Variants in LOXL2 observed in about 807,000 individuals in gnomAD.
The protein encoded by LOXL2 is lysyl oxidase like 2.
A neutral mutation model predicts 93.0 loss-of-function variants in LOXL2; 70 were observed. The ratio of observed to expected loss-of-function variants is 0.75; its 90% CI spans 0.62 to 0.92. The LOEUF (loss-of-function observed/expected upper bound fraction) is 0.92, where lower values mean the gene tolerates loss of function less well. LOXL2 is among the 40% of genes least tolerant of loss of function. LOXL2 has a pLI of 0.00. For missense variants in LOXL2, 973 were observed against 1,054.9 expected, an observed-to-expected ratio of 0.92 and a Z score of 1.08; for synonymous variants, 438 against 413.2, an observed-to-expected ratio of 1.06 and a Z score of -0.73.
At chr8:23,388,234 T>C (rs1253276853) in intron 1 of LOXL2, among the ~76,000 whole-genome samples, 1 of 152,172 alleles carries the variant, frequency 6.6e-6, no homozygotes, top group Admixed American at 6.5e-5. Flanking sequence ...AACTGTGAGC[T>C]GCCAAGGCTG....
intron 1 of LOXL2, among the ~76,000 whole-genome samples, chr8:23,369,499 T>C (rs939981925): frequency 2.6e-5 from 4 of 152,148 alleles, no homozygotes; most frequent in Non-Finnish European, 4.4e-5. Context: ...ATTCTTCTGG[T>C]CATGGCACAC....
At chr8:23,373,087 T>C (rs1260709211) in intron 1 of LOXL2, among the ~76,000 whole-genome samples, 3 of 152,162 alleles carry the variant, frequency 2.0e-5, no homozygotes, top group Non-Finnish European at 4.4e-5. Flanking sequence ...CCCCAAATAT[T>C]TGGGAATGTT....
intron 1 of LOXL2, among the ~76,000 whole-genome samples, chr8:23,387,830 A>T (rs1344739626): frequency 6.6e-6 from 1 of 152,056 alleles, no homozygotes. Context: ...GGCACCTGTA[A>T]TCCCAGCTAC....
intron 1 of LOXL2, among the ~76,000 whole-genome samples, chr8:23,401,355 A>T (rs956241109): frequency 1.3e-5 from 2 of 152,230 alleles, no homozygotes; most frequent in East Asian, 3.8e-4. Flanking sequence ...AAATGCTTAA[A>T]TATAGACTGC....
intron 1 of LOXL2, among the ~76,000 whole-genome samples, chr8:23,379,995 T>C (rs11135734): frequency 0.3 from 45,550 of 152,084 alleles, 7,049 homozygotes; most frequent in East Asian, 0.43. Context: ...AGTACCTCAG[T>C]TGGAAATGCA....
intron 4 of LOXL2, among the ~76,000 whole-genome samples, chr8:23,339,443 C>T (rs1230359524): frequency 2.0e-5 from 3 of 152,172 alleles, no homozygotes; most frequent in African/African-American, 7.2e-5. Context: ...CAATCCAGCA[C>T]GTGACAGGAT....
At chr8:23,340,865 C>G in intron 4 of LOXL2, 127 bp downstream of exon 4, 1 of 857,098 alleles carries the variant, frequency 1.2e-6, no homozygotes, top group Non-Finnish European at 1.9e-6. Flanking sequence ...GTGCAGGCTG[C>G]CTGCAGGGAC....
intron 8 of LOXL2, among the ~76,000 whole-genome samples, chr8:23,318,197 A>T (rs10111940): frequency 6.6e-6 from 1 of 150,888 alleles, no homozygotes; most frequent in South Asian, 2.1e-4. Flanking sequence ...AACCCAAAAA[A>T]CCTGAGGCCT....
At chr8:23,397,637 G>T (rs1347435753) in intron 1 of LOXL2, among the ~76,000 whole-genome samples, 1 of 152,032 alleles carries the variant, frequency 6.6e-6, no homozygotes, top group African/African-American at 2.4e-5. Context: ...CATTAGCTGG[G>T]TATGGTGGCG....
At chr8:23,314,273 C>G (rs1029097311) in intron 9 of LOXL2, among the ~76,000 whole-genome samples, 3 of 143,086 alleles carry the variant, frequency 2.1e-5, no homozygotes, top group Middle Eastern at 7.4e-3. Context: ...TACCATTTGA[C>G]CCAGCCATCC....
intron 3 of LOXL2, among the ~76,000 whole-genome samples, chr8:23,352,826 C>T (rs1339932554): frequency 6.6e-6 from 1 of 151,856 alleles, no homozygotes; most frequent in Non-Finnish European, 1.5e-5. Context: ...CTCTGTTGGC[C>T]CCTCAAGACC....
chr8:23,332,293 CCA>C (rs1486070015), intron 5 of LOXL2, among the ~76,000 whole-genome samples: 4 of 117,356 alleles, frequency 3.4e-5, no homozygotes, highest in Admixed American at 9.4e-5. Context: ...ACACAGACCC[CCA>C]CACACACTCA....
rs1242808347 is a variant in LOXL2, at chr8:23,297,747, C to G, written c.*296G>C. 1.2e-5 allele frequency: 4 copies of G among 324,096 alleles called. No homozygotes were observed. The highest frequency in any genetic ancestry group is 2.3e-5 in the Non-Finnish European group (4 of 174,234). 20.1% of individuals were successfully genotyped at this position (324,096 alleles called of 1,614,324 possible). ...CTTGAATGGGACAAGCTGATGACAA[C>G]CTGTCTGTGGGCCTCATCCCGGTCA... On this transcript the variant is annotated 3_prime_UTR_variant, in exon 14 of 14. Transcript: ENST00000389131.
At chr8:23,395,135 T>C (rs1800074552) in intron 1 of LOXL2, among the ~76,000 whole-genome samples, 1 of 152,144 alleles carries the variant, frequency 6.6e-6, no homozygotes, top group African/African-American at 2.4e-5. Context: ...ACGCCTGTAG[T>C]TCCAGCTACT....
chr8:23,298,953 G>A lies in LOXL2; in HGVS notation c.2134-6C>T, dbSNP rs1446805847. On this transcript the variant is annotated splice_polypyrimidine_tract_variant and splice_region_variant and intron_variant, in intron 12 of 13. Coordinates refer to ENST00000389131, the MANE Select transcript of LOXL2 (RefSeq NM_002318.3). ...AAGTTGGGGTTAATAACAACCTAGG[G>A]AGAAGCAGGGCAGAGGAGGCTGCTT... is the stretch of plus-strand genomic sequence containing the variant. The A allele has an allele frequency of 3.9e-6, 6 of 1,557,922 alleles. No individual in the cohort carries two copies. The highest frequency in any genetic ancestry group is 3.3e-5 in the South Asian group (3 of 89,928).
chr8:23,325,582 TTC>T (rs1803565141), intron 6 of LOXL2, among the ~76,000 whole-genome samples: 1 of 152,192 alleles, frequency 6.6e-6, no homozygotes, highest in Non-Finnish European at 1.5e-5. Context: ...GTGAGTCCTG[TTC>T]TGTTTCTATC....
chr8:23,379,251 A>C (rs1172016086), intron 1 of LOXL2, among the ~76,000 whole-genome samples: 1 of 152,222 alleles, frequency 6.6e-6, no homozygotes. Context: ...CAGAACAGCG[A>C]ATATTGCTGA....
chr8:23,379,930 G>A (rs1804653640), intron 1 of LOXL2, among the ~76,000 whole-genome samples: 1 of 152,072 alleles, frequency 6.6e-6, no homozygotes, highest in Admixed American at 6.6e-5. Flanking sequence ...ACACTCTGCG[G>A]GCTGCACCCA....
At chr8:23,319,689 G>A (rs915821502) in intron 8 of LOXL2, among the ~76,000 whole-genome samples, 196 bp downstream of exon 8, 2 of 152,154 alleles carry the variant, frequency 1.3e-5, no homozygotes, top group East Asian at 1.9e-4. Context: ...AGATGGGAGC[G>A]ACCTGCCCGA....
Sources: allele counts gnomAD v4.1 joint callset (sites outside exome capture counted in the v4.1 genomes callset), GRCh38; gene constraint gnomAD v4.1.1; transcripts MANE v1.5; gene names NCBI Gene and HGNC (gene_info 2026-07-23, HGNC 2026-07-21).